FARS2: variants seen among roughly 807,000 people sequenced by gnomAD.
FARS2 encodes the protein phenylalanyl-tRNA synthetase 2, mitochondrial, also known as phenylalanine--tRNA ligase, mitochondrial.
FARS2 carries 40 observed loss-of-function variants against 46.4 expected under a neutral mutation model. That is an observed-to-expected ratio of 0.86 (90% confidence interval 0.67 to 1.12). FARS2 has a LOEUF of 1.12. Among genes scored for constraint, FARS2 ranks in the 50% most tolerant of loss-of-function variants. The probability of loss-of-function intolerance (pLI) is 0.00; values close to 1 mark genes in which losing one functional copy is unlikely to be tolerated. For missense variants in FARS2, 513 were observed against 567.9 expected (o/e 0.90, Z 0.98); for synonymous variants, 234 against 214.9 (o/e 1.09, Z -0.78).
Position 5,273,578 on chromosome 6 carries a change from G to A in FARS2, c.-22+11918G>A, listed in dbSNP as rs542126198. On this transcript the variant is annotated intron_variant, in intron 1 of 6. Transcript: ENST00000274680. ...CTGGTTATTAATCCCTTGCCAGGTG[G>A]ATGGTTTGCAAATACTTTTTCCTAT... is the stretch of plus-strand genomic sequence containing the variant. 1.3e-3 allele frequency among the ~76,000 whole-genome samples: 192 copies of A among 152,236 alleles called. 1 individual carries two copies. The highest frequency in any genetic ancestry group is 4.3e-3 in the African/African-American group (179 of 41,548).
At chr6:5,636,245 T>G (rs60880092) in intron 6 of FARS2, among the ~76,000 whole-genome samples, 11,619 of 152,254 alleles carry the variant, frequency 0.076, 1,277 homozygotes, top group African/African-American at 0.24. Context: ...GCTGTGAAGT[T>G]CCCTCTATGT....
intron 5 of FARS2, among the ~76,000 whole-genome samples, chr6:5,554,369 C>T (rs1561709084): frequency 6.6e-6 from 1 of 152,144 alleles, no homozygotes; most frequent in Non-Finnish European, 1.5e-5. Flanking sequence ...GCAGGAGGGA[C>T]AGTTACTATC....
chr6:5,669,929 T>G (rs146914890), intron 6 of FARS2, among the ~76,000 whole-genome samples: 291 of 152,260 alleles, frequency 1.9e-3, no homozygotes, highest in African/African-American at 6.6e-3. Context: ...TCATGACCTA[T>G]GAACGGGGGT....
At chr6:5,716,386 A>AT (rs1468079953) in intron 6 of FARS2, among the ~76,000 whole-genome samples, 2 of 151,942 alleles carry the variant, frequency 1.3e-5, no homozygotes, top group South Asian at 2.1e-4. Flanking sequence ...AGCTCAGGGG[A>AT]TCCCCCCTAC....
intron 4 of FARS2, among the ~76,000 whole-genome samples, chr6:5,511,917 A>G (rs1399933162): frequency 6.6e-6 from 1 of 152,214 alleles, no homozygotes; most frequent in South Asian, 2.1e-4. Context: ...ACATTCATTA[A>G]TCAGAACTTT....
chr6:5,651,570 G>A (rs1054000017), intron 6 of FARS2, among the ~76,000 whole-genome samples: 2 of 152,316 alleles, frequency 1.3e-5, no homozygotes, highest in Admixed American at 6.5e-5. Flanking sequence ...TCAGCTGCGC[G>A]GTCATCATCA....
chr6:5,543,423 G>C (rs1770756377), intron 4 of FARS2, among the ~76,000 whole-genome samples: 1 of 148,796 alleles, frequency 6.7e-6, no homozygotes, highest in Non-Finnish European at 1.5e-5. Flanking sequence ...GGAGTGCCAT[G>C]GCACAATTTC....
chr6:5,508,804 C>T (rs1337911126), intron 4 of FARS2, among the ~76,000 whole-genome samples: 3 of 152,150 alleles, frequency 2.0e-5, no homozygotes, highest in Non-Finnish European at 4.4e-5. Flanking sequence ...GAAGCTATCC[C>T]GCACGGAGAG....
chr6:5,348,100 T>A (rs1757348640), intron 1 of FARS2, among the ~76,000 whole-genome samples: 2 of 152,226 alleles, frequency 1.3e-5, no homozygotes, highest in Non-Finnish European at 1.5e-5. Context: ...GTCATATTCT[T>A]TGCCGGTCTT....
At chr6:5,642,810 G>C (rs1044849408) in intron 6 of FARS2, among the ~76,000 whole-genome samples, 2 of 152,206 alleles carry the variant, frequency 1.3e-5, no homozygotes, top group Non-Finnish European at 1.5e-5. Flanking sequence ...TCCACTCTTA[G>C]GGCAGGCACA....
chr6:5,638,779 A>G (rs1776668467), intron 6 of FARS2, among the ~76,000 whole-genome samples: 1 of 152,098 alleles, frequency 6.6e-6, no homozygotes, highest in South Asian at 2.1e-4. Flanking sequence ...TGGCATGTTC[A>G]GTTTCCTCGC....
At chr6:5,264,952 C>A (rs1038740520) in intron 1 of FARS2, among the ~76,000 whole-genome samples, 2 of 150,094 alleles carry the variant, frequency 1.3e-5, no homozygotes, top group South Asian at 2.1e-4. Context: ...TGCCACCATG[C>A]CTGGCAGATT....
chr6:5,571,720 C>A (rs1367419488), intron 5 of FARS2, among the ~76,000 whole-genome samples: 1 of 152,230 alleles, frequency 6.6e-6, no homozygotes, highest in Non-Finnish European at 1.5e-5. Context: ...ACTTCACAGA[C>A]CTTCACAGCC....
At chr6:5,684,601 A>G (rs924951469) in intron 6 of FARS2, among the ~76,000 whole-genome samples, 2 of 152,158 alleles carry the variant, frequency 1.3e-5, no homozygotes, top group Admixed American at 1.3e-4. Flanking sequence ...TGCAACAAGG[A>G]GCTAGCTTCA....
intron 5 of FARS2, among the ~76,000 whole-genome samples, chr6:5,555,809 A>G (rs1019045781): frequency 4.1e-4 from 63 of 152,274 alleles, no homozygotes; most frequent in African/African-American, 1.5e-3. Context: ...GAAGGGATAC[A>G]GGAAGAAATG....
rs191028363 is a variant in FARS2, at chr6:5,612,865, G to A, written c.1066-304G>A. ...AACTTTTCTCCTCTAGTATTCAAAT[G>A]GGAAAAACAGAAATATAATACATTC... On this transcript the variant is annotated intron_variant, in intron 5 of 6. Coordinates refer to ENST00000274680, the MANE Select transcript of FARS2 (RefSeq NM_006567.5). 1.6e-3 allele frequency among the ~76,000 whole-genome samples: 236 copies of A among 152,174 alleles called. 1 individual carries two copies. The Middle Eastern group carries it at 0.034, about 22-fold the overall frequency.
intron 5 of FARS2, among the ~76,000 whole-genome samples, chr6:5,592,111 G>A (rs533926519): frequency 1.4e-4 from 21 of 152,212 alleles, no homozygotes; most frequent in South Asian, 8.3e-4. Flanking sequence ...TTGGCTGAGC[G>A]CGGTGGCTCA....
intron 3 of FARS2, among the ~76,000 whole-genome samples, chr6:5,405,898 A>G (rs1761564636): frequency 6.6e-6 from 1 of 152,206 alleles, no homozygotes; most frequent in Non-Finnish European, 1.5e-5. Flanking sequence ...ATATTATATC[A>G]ACAGCAAAAA....
intron 4 of FARS2, among the ~76,000 whole-genome samples, chr6:5,481,620 C>T (rs981125487): frequency 2.0e-5 from 3 of 152,080 alleles, no homozygotes; most frequent in African/African-American, 2.4e-5. Context: ...ATCCCGAGGC[C>T]CTTGTCCTTT....
Sources: allele counts gnomAD v4.1 joint callset (sites outside exome capture counted in the v4.1 genomes callset), GRCh38; gene constraint gnomAD v4.1.1; transcripts MANE v1.5; gene names NCBI Gene and HGNC (gene_info 2026-07-23, HGNC 2026-07-21).